The following POPDC1 variants were observed in gnomAD, a reference collection of about 807,000 sequenced individuals.
The protein encoded by POPDC1 is popeye domain cAMP effector 1.
the POPDC1 span, among the ~76,000 whole-genome samples, chr6:105,108,972 AT>A: frequency 6.6e-6 from 1 of 151,970 alleles, no homozygotes; most frequent in African/African-American, 2.4e-5. Context: ...TAAAACATTT[AT>A]TTTTTTTGAG....
the POPDC1 span, chr6:105,097,395 C>T: frequency 0.037 from 5,598 of 152,220 alleles, 324 homozygotes; most frequent in African/African-American, 0.13. Context: ...TTCTAAAAAA[C>T]GCAAAATGGT....
chr6:105,136,559 G>A, the POPDC1 span: 1 of 152,364 alleles, frequency 6.6e-6, no homozygotes, highest in Non-Finnish European at 1.5e-5. Flanking sequence ...AGGAACCCCG[G>A]AGACTCGGCG....
the POPDC1 span, among the ~76,000 whole-genome samples, chr6:105,130,759 T>C: frequency 6.6e-6 from 1 of 152,228 alleles, no homozygotes; most frequent in Non-Finnish European, 1.5e-5. Flanking sequence ...TGGTGAATAT[T>C]TGTATATCTA....
the POPDC1 span, chr6:105,124,619 G>A: frequency 4.3e-6 from 7 of 1,612,274 alleles, no homozygotes; most frequent in African/African-American, 4.0e-5. Flanking sequence ...AGGGGTAAAT[G>A]TTATGCAGAA....
chr6:105,129,154 C>T, the POPDC1 span, among the ~76,000 whole-genome samples: 1 of 152,116 alleles, frequency 6.6e-6, no homozygotes, highest in African/African-American at 2.4e-5. Context: ...CATGTTCTCT[C>T]ATATGCTAAT....
chr6:105,133,382 T>C, the POPDC1 span: 3 of 1,613,422 alleles, frequency 1.9e-6, no homozygotes, highest in South Asian at 1.1e-5. Context: ...AGAAATATCA[T>C]ATGAAGGTGA....
the POPDC1 span, among the ~76,000 whole-genome samples, chr6:105,119,064 A>T: frequency 1.3e-5 from 2 of 151,946 alleles, no homozygotes; most frequent in African/African-American, 2.4e-5. Context: ...AGGCGCCTGT[A>T]ATCCCAGCTA....
chr6:105,127,215 CA>C, the POPDC1 span, among the ~76,000 whole-genome samples: 2 of 152,024 alleles, frequency 1.3e-5, no homozygotes, highest in East Asian at 3.9e-4. Flanking sequence ...TCATATTTTT[CA>C]AAAAAGTAGA....
the POPDC1 span, among the ~76,000 whole-genome samples, chr6:105,107,520 G>A: frequency 0.77 from 117,614 of 152,168 alleles, 47,697 homozygotes; most frequent in Non-Finnish European, 0.88. Flanking sequence ...TCAAATAAGT[G>A]GAGTACCACG....
the POPDC1 span, among the ~76,000 whole-genome samples, chr6:105,130,159 A>G: frequency 6.6e-6 from 1 of 152,204 alleles, no homozygotes; most frequent in Non-Finnish European, 1.5e-5. Context: ...TCTGCCTTAC[A>G]GAGTTTTCAT....
the POPDC1 span, among the ~76,000 whole-genome samples, chr6:105,104,865 A>C: frequency 6.6e-6 from 1 of 152,288 alleles, no homozygotes; most frequent in African/African-American, 2.4e-5. Flanking sequence ...AATAAAAAGG[A>C]ATCACACCCA....
chr6:105,101,226 A>G, the POPDC1 span: 1 of 1,599,972 alleles, frequency 6.3e-7, no homozygotes, highest in Non-Finnish European at 8.5e-7. Flanking sequence ...GTGGAAAGAT[A>G]CAGGAGGGAA....
the POPDC1 span, among the ~76,000 whole-genome samples, chr6:105,120,495 T>C: frequency 4.2e-4 from 64 of 152,388 alleles, no homozygotes; most frequent in African/African-American, 1.4e-3. Flanking sequence ...AAAATAAATT[T>C]ACTTCTTATT....
At chr6:105,130,719 T>C in the POPDC1 span, among the ~76,000 whole-genome samples, 2 of 152,202 alleles carry the variant, frequency 1.3e-5, no homozygotes, top group African/African-American at 4.8e-5. Context: ...CTGTATTGAA[T>C]ATTGAATACT....
chr6:105,136,585 G>A, the POPDC1 span: 2 of 152,430 alleles, frequency 1.3e-5, no homozygotes, highest in African/African-American at 4.8e-5. Flanking sequence ...AGCAGAGACG[G>A]AGCTCACCAA....
At chr6:105,124,741 T>C in the POPDC1 span, 2 of 968,860 alleles carry the variant, frequency 2.1e-6, no homozygotes, top group Non-Finnish European at 3.2e-6. Flanking sequence ...TATGCGATTT[T>C]ATTTTGTAGT....
the POPDC1 span, among the ~76,000 whole-genome samples, chr6:105,118,646 A>C: frequency 6.6e-6 from 1 of 152,218 alleles, no homozygotes; most frequent in Non-Finnish European, 1.5e-5. Context: ...AAGTGTTTTG[A>C]CAACTATAGA....
the POPDC1 span, among the ~76,000 whole-genome samples, chr6:105,106,540 C>T: frequency 6.6e-5 from 10 of 152,244 alleles, no homozygotes; most frequent in Non-Finnish European, 1.3e-4. Flanking sequence ...GTGACCACAC[C>T]GTGGGCTCCC....
At chr6:105,126,373 A>C in the POPDC1 span, among the ~76,000 whole-genome samples, 1 of 151,916 alleles carries the variant, frequency 6.6e-6, no homozygotes, top group Non-Finnish European at 1.5e-5. Context: ...TTGAGACTGC[A>C]GTGAACTATG....
Sources: gnomAD v4.1 joint callset for allele counts (sites outside exome capture counted in the v4.1 genomes callset) on GRCh38, gnomAD v4.1.1 for gene constraint, MANE v1.5 for transcripts, NCBI Gene and HGNC (gene_info 2026-07-23, HGNC 2026-07-21) for gene names.